Variants in DRC4 observed in about 807,000 individuals in gnomAD.
DRC4 encodes GAS-11.
At chr16:90,040,473 C>T in the DRC4 span, 1 of 1,608,084 alleles carries the variant, frequency 6.2e-7, no homozygotes, top group Non-Finnish European at 8.5e-7. Flanking sequence ...CTAACCTGGA[C>T]CCTGCAGCCC....
At chr16:90,033,134 C>G in the DRC4 span, among the ~76,000 whole-genome samples, 2 of 152,272 alleles carry the variant, frequency 1.3e-5, no homozygotes, top group Non-Finnish European at 2.9e-5. Context: ...CTGTCTCAGA[C>G]CTGAGCAAAA....
At chr16:90,030,046 C>G in the DRC4 span, 1 of 152,168 alleles carries the variant, frequency 6.6e-6, no homozygotes, top group African/African-American at 2.4e-5. Context: ...TGTGAGCCAC[C>G]GCGCCTGGCA....
At chr16:90,030,948 T>C in the DRC4 span, among the ~76,000 whole-genome samples, 2 of 152,314 alleles carry the variant, frequency 1.3e-5, no homozygotes, top group African/African-American at 4.8e-5. Context: ...TCTTAGGTTA[T>C]TTCCTTTTTG....
chr16:90,031,107 T>G, the DRC4 span: 1 of 1,313,276 alleles, frequency 7.6e-7, no homozygotes, highest in Non-Finnish European at 1.0e-6. Context: ...TGAAGAGAAT[T>G]CTGCCACCTG....
chr16:90,039,457 C>G, the DRC4 span, among the ~76,000 whole-genome samples: 1 of 141,538 alleles, frequency 7.1e-6, no homozygotes, highest in Non-Finnish European at 1.5e-5. Flanking sequence ...ACGATCTCGG[C>G]TCACTGCAAC....
At chr16:90,032,714 G>C in the DRC4 span, 2 of 1,613,742 alleles carry the variant, frequency 1.2e-6, no homozygotes, top group African/African-American at 2.7e-5. Context: ...CCATTGCCCT[G>C]CAGGTGTACA....
At chr16:90,034,553 C>T in the DRC4 span, among the ~76,000 whole-genome samples, 1 of 151,988 alleles carries the variant, frequency 6.6e-6, no homozygotes, top group Admixed American at 6.6e-5. Context: ...ACCTGGGAGA[C>T]GGAGGTTGCG....
the DRC4 span, chr16:90,029,152 A>C: frequency 7.4e-7 from 1 of 1,352,388 alleles, no homozygotes; most frequent in Non-Finnish European, 9.9e-7. Context: ...GGGGCAGCCT[A>C]CGGGGCAGGC....
the DRC4 span, among the ~76,000 whole-genome samples, chr16:90,030,314 T>C: frequency 6.6e-6 from 1 of 152,154 alleles, no homozygotes; most frequent in Non-Finnish European, 1.5e-5. Flanking sequence ...CTAGTTGATA[T>C]ACTCTAATTT....
chr16:90,041,576 T>C, the DRC4 span, among the ~76,000 whole-genome samples: 10 of 152,068 alleles, frequency 6.6e-5, no homozygotes, highest in South Asian at 4.2e-4. Context: ...GAGGCTGAGG[T>C]GGGCAGATCA....
chr16:90,026,397 G>A, the DRC4 span, among the ~76,000 whole-genome samples: 2 of 152,156 alleles, frequency 1.3e-5, no homozygotes, highest in African/African-American at 4.8e-5. Flanking sequence ...CAGGGCTCTC[G>A]TGGTGGGTGC....
chr16:90,036,214 A>T, the DRC4 span: 1 of 637,164 alleles, frequency 1.6e-6, no homozygotes, highest in South Asian at 2.1e-5. Flanking sequence ...GAGCATCAGC[A>T]GAAAAACTCA....
the DRC4 span, chr16:90,031,488 G>A: frequency 6.4e-7 from 1 of 1,561,470 alleles, no homozygotes; most frequent in African/African-American, 1.4e-5. Context: ...GCACCAGGTG[G>A]AGATCAAGGT....
chr16:90,019,807 C>G, the DRC4 span: 1 of 688,844 alleles, frequency 1.5e-6, no homozygotes, highest in Non-Finnish European at 2.6e-6. This position sits in a 1 kb window ranked among gnomAD's most constrained non-coding sequence, Gnocchi z 6.1. Context: ...GCGGGCGCCC[C>G]TCGGGGCTGG....
chr16:90,044,607 C>T, the DRC4 span: 4 of 471,058 alleles, frequency 8.5e-6, no homozygotes, highest in Non-Finnish European at 1.3e-5. Flanking sequence ...GGACAGTGAC[C>T]ATCTGGGTCT....
At chr16:90,025,770 C>T in the DRC4 span, among the ~76,000 whole-genome samples, 1 of 151,136 alleles carries the variant, frequency 6.6e-6, no homozygotes, top group African/African-American at 2.4e-5. Flanking sequence ...ACCTGTAGTC[C>T]CAGCTCCTCG....
the DRC4 span, chr16:90,031,264 C>A: frequency 5.1e-3 from 8,218 of 1,609,432 alleles, 77 homozygotes; most frequent in South Asian, 0.019. Context: ...TGGGCCCCTG[C>A]TCAGTGCCTC....
At chr16:90,041,557 G>T in the DRC4 span, among the ~76,000 whole-genome samples, 1 of 152,214 alleles carries the variant, frequency 6.6e-6, no homozygotes, top group Non-Finnish European at 1.5e-5. Context: ...TGTAATCCCA[G>T]CACTTTGGGA....
the DRC4 span, among the ~76,000 whole-genome samples, chr16:90,032,560 C>G: frequency 1.4e-5 from 2 of 146,806 alleles, no homozygotes; most frequent in Non-Finnish European, 3.0e-5. Flanking sequence ...TATGGATGGA[C>G]AGGTAAGGAG....
Sources: allele counts gnomAD v4.1 joint callset (sites outside exome capture counted in the v4.1 genomes callset), GRCh38; gene constraint gnomAD v4.1.1; non-coding constraint Gnocchi (gnomAD v3.1); transcripts MANE v1.5; gene names NCBI Gene and HGNC (gene_info 2026-07-23, HGNC 2026-07-21).